The following CRACD variants were observed in gnomAD, a reference collection of about 807,000 sequenced individuals.
CRACD encodes the protein capping protein inhibiting regulator of actin dynamics.
CRACD carries 56 observed loss-of-function variants against 106.8 expected under a neutral mutation model. That is an observed-to-expected ratio of 0.52 (90% CI 0.42 to 0.66). CRACD has a LOEUF of 0.66. CRACD is among the 30% of genes least tolerant of loss of function. The pLI is 0.00. For synonymous variants in CRACD, 754 were observed against 670.8 expected (o/e 1.12, Z -1.92); for missense variants, 1,730 against 1,623.2 (o/e 1.07, Z -1.13).
intron 2 of CRACD, among the ~76,000 whole-genome samples, chr4:56,191,669 C>A (rs373695072): frequency 6.6e-6 from 1 of 152,210 alleles, no homozygotes; most frequent in Non-Finnish European, 1.5e-5. Flanking sequence ...ATGTGTTCTG[C>A]GGCAGCACTG....
intron 3 of CRACD, among the ~76,000 whole-genome samples, chr4:56,294,896 A>G (rs1743904845): frequency 7.0e-6 from 1 of 142,224 alleles, no homozygotes; most frequent in Admixed American, 7.6e-5. Context: ...CCTGGGTAGC[A>G]GAGCAAGACC....
At position 56,315,846 on chromosome 4, in the gene CRACD, C is replaced by T. The variant is rs1356178454; in HGVS notation, c.2344C>T (p.Pro782Ser). The stretch of plus-strand genomic sequence containing the variant: ...GGAGAAGTCGGAGATGCACCGGGAG[C>T]CCGCAGACACCACCGAGGGATGCAA... The part of the protein sequence containing the change: ...GPEKSEMHRE[P>S]ADTTEGCKFA... Residue 782 changes from proline (P) to serine (S), a missense_variant, in exon 8 of 11, where the codon CCC becomes TCC. Physicochemically the swap from Pro to Ser is moderately conservative, Grantham distance 74 (BLOSUM62 -1). Transcript: ENST00000682029. The surrounding 1 kb of genome is among the most constrained non-coding windows in gnomAD (Gnocchi z 4.1). 1.2e-6 allele frequency: 2 copies of T among 1,614,188 alleles called. No homozygotes were observed. Among genetic ancestry groups the T allele is most frequent in the South Asian group, 1.1e-5 (1 of 91,080 alleles).
chr4:56,172,221 A>G (rs1560471083), intron 1 of CRACD, among the ~76,000 whole-genome samples: 1 of 152,066 alleles, frequency 6.6e-6, no homozygotes, highest in Non-Finnish European at 1.5e-5. Flanking sequence ...GCTATTGAGA[A>G]TGGGCTGAGA....
chr4:56,107,661 T>G (rs1177848046), intron 1 of CRACD, among the ~76,000 whole-genome samples: 1 of 152,188 alleles, frequency 6.6e-6, no homozygotes, highest in African/African-American at 2.4e-5. Flanking sequence ...GTAGAGCTGC[T>G]TCTTCAGATC....
At chr4:56,313,495 G>A (rs1745293500) in intron 7 of CRACD, 116 bp downstream of exon 7, 2 of 837,306 alleles carry the variant, frequency 2.4e-6, no homozygotes, top group African/African-American at 1.7e-5. Flanking sequence ...TCTCCCCATC[G>A]GGAACTTGAG....
chr4:56,290,751 A>G (rs186489916), intron 3 of CRACD, among the ~76,000 whole-genome samples: 2 of 152,338 alleles, frequency 1.3e-5, no homozygotes, highest in Admixed American at 1.3e-4. Flanking sequence ...TTGTACATGT[A>G]CATAGGAGAG....
At chr4:56,312,461 C>T (rs1389418305) in intron 6 of CRACD, among the ~76,000 whole-genome samples, 1 of 152,212 alleles carries the variant, frequency 6.6e-6, no homozygotes, top group African/African-American at 2.4e-5. Flanking sequence ...TCGCACCCAG[C>T]CATACCAAAA....
intron 2 of CRACD, among the ~76,000 whole-genome samples, chr4:56,207,990 T>C (rs1480357809): frequency 6.7e-6 from 1 of 150,360 alleles, no homozygotes. Context: ...TTAATTAATT[T>C]TTTTTTTTTT....
At position 56,158,387 on chromosome 4, in the gene CRACD, A is replaced by AT. The variant is rs200667366; in HGVS notation, c.-335-20888dup. Among the ~76,000 whole-genome samples, 768 of 152,106 alleles carry AT rather than the reference A, an allele frequency of 5.0e-3. 3 individuals are homozygous for AT. Among genetic ancestry groups the AT allele is most frequent in the Non-Finnish European group, 8.3e-3 (566 of 67,996 alleles). On this transcript the variant is annotated intron_variant, in intron 1 of 10. Transcript: ENST00000682029. ...AAAATGCTGTAAATAAATTTATGGTATTTTTTTTTAAAAATAATTCCTCTA... is the reference window on the plus strand; with the variant it reads ...AAAATGCTGTAAATAAATTTATGGTATTTTTTTTTTAAAAATAATTCCTCTA...
chr4:56,278,807 AT>A (rs1008270302), intron 3 of CRACD, among the ~76,000 whole-genome samples: 12 of 151,736 alleles, frequency 7.9e-5, no homozygotes, highest in Admixed American at 4.0e-4. Context: ...CCCTCCCCAA[AT>A]TTTTTTTTAT....
chr4:56,076,736 G>T (rs1732853139), intron 1 of CRACD, among the ~76,000 whole-genome samples: 1 of 152,076 alleles, frequency 6.6e-6, no homozygotes, highest in African/African-American at 2.4e-5. Context: ...TGCTTTCTTA[G>T]TGCCAGCCAT....
intron 2 of CRACD, among the ~76,000 whole-genome samples, chr4:56,235,952 T>C (rs1216863342): frequency 1.3e-5 from 2 of 152,170 alleles, no homozygotes; most frequent in East Asian, 1.9e-4. Context: ...CATCCGTGCA[T>C]GAATCTGGGC....
At chr4:56,126,229 C>G (rs1734658398) in intron 1 of CRACD, among the ~76,000 whole-genome samples, 1 of 152,118 alleles carries the variant, frequency 6.6e-6, no homozygotes, top group Non-Finnish European at 1.5e-5. Flanking sequence ...TTTCCTGCCC[C>G]ACACCAAAAC....
intron 2 of CRACD, among the ~76,000 whole-genome samples, chr4:56,235,847 A>G (rs907037116): frequency 6.6e-6 from 1 of 152,326 alleles, no homozygotes; most frequent in Non-Finnish European, 1.5e-5. Flanking sequence ...ATACAAGACA[A>G]GGGTTGGGAA....
chr4:56,077,130 A>AGCAC (rs1732865914), intron 1 of CRACD, among the ~76,000 whole-genome samples: 1 of 152,198 alleles, frequency 6.6e-6, no homozygotes, highest in Non-Finnish European at 1.5e-5. Flanking sequence ...AAGACTGGGT[A>AGCAC]ATTTATAAAG....
In CRACD at chr4:56,310,787, C is replaced by G. The variant is rs557153912; in HGVS notation, c.354+53C>G. ...GCTTCTTTCCTTACTTAACTTTCAT[C>G]TTCCCCCCCCCTTTTTTTTTTTTGC... On this transcript the variant is annotated intron_variant, in intron 6 of 10. Transcript: ENST00000682029. 1.4e-5 allele frequency: 15 copies of G among 1,074,848 alleles called. No homozygotes were observed. In the Admixed American group the frequency reaches 2.8e-4, roughly 20 times the overall value. The allele number at this position is 1,074,848 out of a possible 1,614,324, so 66.6% of individuals were successfully genotyped here.
At chr4:56,164,929 C>G (rs141747851) in intron 1 of CRACD, among the ~76,000 whole-genome samples, 136 of 152,240 alleles carry the variant, frequency 8.9e-4, no homozygotes, top group African/African-American at 3.3e-3. Flanking sequence ...CCATTTGTTT[C>G]CTTTCAAAGA....
chr4:56,190,746 T>G (rs1012393545), intron 2 of CRACD, among the ~76,000 whole-genome samples: 4 of 152,130 alleles, frequency 2.6e-5, no homozygotes, highest in Non-Finnish European at 5.9e-5. Context: ...GGATCTACTA[T>G]TCTGGGATCT....
intron 1 of CRACD, among the ~76,000 whole-genome samples, chr4:56,178,934 A>G (rs1485610251): frequency 6.6e-6 from 1 of 152,216 alleles, no homozygotes; most frequent in Non-Finnish European, 1.5e-5. Flanking sequence ...CACGTCTGCT[A>G]AATTGGATTT....
Sources: gnomAD v4.1 joint callset for allele counts (sites outside exome capture counted in the v4.1 genomes callset) on GRCh38, gnomAD v4.1.1 for gene constraint, Gnocchi (gnomAD v3.1) non-coding constraint, MANE v1.5 for transcripts, NCBI Gene and HGNC (gene_info 2026-07-23, HGNC 2026-07-21) for gene names.